Variants in MYO3B observed in about 807,000 individuals in gnomAD.
MYO3B encodes the protein myosin-IIIb.
MYO3B carries 156 observed loss-of-function variants against 174.6 expected under a neutral mutation model. The ratio of observed to expected loss-of-function variants is 0.89; its 90% CI spans 0.78 to 1.02. The LOEUF (loss-of-function observed/expected upper bound fraction) is 1.02, where lower values mean the gene tolerates loss of function less well. Among genes scored for constraint, MYO3B ranks in the 50% least tolerant of loss-of-function variants. The pLI, the probability that MYO3B is intolerant of heterozygous loss-of-function variation, is 0.00. For missense variants in MYO3B, 1,632 were observed against 1,639.4 expected (o/e 1.00, Z 0.08); for synonymous variants, 563 against 569.1 (o/e 0.99, Z 0.15).
At chr2:170,323,753 A>AAGTG (rs2093845654) in intron 7 of MYO3B, among the ~76,000 whole-genome samples, 1 of 152,192 alleles carries the variant, frequency 6.6e-6, no homozygotes, top group African/African-American at 2.4e-5. Flanking sequence ...AGTACTCAAG[A>AAGTG]AGTGAGTTAT....
intron 22 of MYO3B, among the ~76,000 whole-genome samples, chr2:170,423,735 C>A (rs1404504686): frequency 6.6e-6 from 1 of 152,162 alleles, no homozygotes; most frequent in African/African-American, 2.4e-5. Flanking sequence ...CGTGCACCAC[C>A]ACACCCAGCT....
At chr2:170,515,477 A>G (rs1688250006) in intron 29 of MYO3B, among the ~76,000 whole-genome samples, 1 of 152,176 alleles carries the variant, frequency 6.6e-6, no homozygotes, top group African/African-American at 2.4e-5. Context: ...AGGAAGGGGT[A>G]CTGTGGACAA....
chr2:170,195,332 G>A (rs952510136), intron 1 of MYO3B, among the ~76,000 whole-genome samples: 1 of 152,040 alleles, frequency 6.6e-6, no homozygotes, highest in Admixed American at 6.6e-5. Flanking sequence ...CACAGAAGAT[G>A]AGAAGAACAG....
intron 7 of MYO3B, among the ~76,000 whole-genome samples, chr2:170,282,100 G>C (rs952473221): frequency 2.0e-5 from 3 of 152,052 alleles, no homozygotes; most frequent in African/African-American, 7.2e-5. Flanking sequence ...CAGCTTTTTA[G>C]TTAATATCTT....
At chr2:170,517,847 A>G (rs950450469) in intron 29 of MYO3B, among the ~76,000 whole-genome samples, 2 of 151,898 alleles carry the variant, frequency 1.3e-5, no homozygotes, top group African/African-American at 4.8e-5. Flanking sequence ...TGCTCTAACT[A>G]GAGGATTTTA....
intron 8 of MYO3B, among the ~76,000 whole-genome samples, chr2:170,360,516 T>C (rs530705373): frequency 6.6e-6 from 1 of 152,272 alleles, no homozygotes; most frequent in African/African-American, 2.4e-5. Context: ...TTGTCCTCAG[T>C]GGTAGGAATC....
rs547065376 is a variant in MYO3B at position 170,622,385 on chromosome 2, T to C, written c.3734-29243T>C. Among the ~76,000 whole-genome samples the C allele has an allele frequency of 2.3e-4, 35 of 152,280 alleles. 3 individuals carry two copies. The highest frequency in any genetic ancestry group is 7.7e-4 in the African/African-American group (32 of 41,552). On this transcript the variant is annotated intron_variant, in intron 32 of 34. Transcript: ENST00000408978. The stretch of plus-strand genomic sequence containing the variant: ...TTTTCTGTCCTGAGAAGAGCAACTT[T>C]TAAATATCATATAAAGTGATACATG...
chr2:170,365,905 A>G (rs2094194680), intron 8 of MYO3B, among the ~76,000 whole-genome samples: 1 of 152,160 alleles, frequency 6.6e-6, no homozygotes, highest in Admixed American at 6.5e-5. Flanking sequence ...ACCCAGAGAT[A>G]AATTCCTTGT....
chr2:170,599,927 T>G (rs1264911141), intron 32 of MYO3B, among the ~76,000 whole-genome samples: 1 of 152,182 alleles, frequency 6.6e-6, no homozygotes, highest in Non-Finnish European at 1.5e-5. Context: ...CCTTAAAATG[T>G]TTATCTTTAT....
At chr2:170,465,916 C>G (rs1684596725) in intron 24 of MYO3B, among the ~76,000 whole-genome samples, 1 of 152,148 alleles carries the variant, frequency 6.6e-6, no homozygotes. Context: ...CAAGCACCCC[C>G]CTGATTTTCC....
intron 6 of MYO3B, among the ~76,000 whole-genome samples, chr2:170,220,006 C>G (rs947779809): frequency 2.6e-5 from 4 of 152,178 alleles, no homozygotes; most frequent in African/African-American, 9.7e-5. Flanking sequence ...TACCTGTAAT[C>G]CCAGCACTTT....
At chr2:170,320,931 T>C (rs2093821240) in intron 7 of MYO3B, among the ~76,000 whole-genome samples, 1 of 152,172 alleles carries the variant, frequency 6.6e-6, no homozygotes, top group African/African-American at 2.4e-5. Context: ...TTCAAAGTAC[T>C]GTATAACCAA....
intron 8 of MYO3B, among the ~76,000 whole-genome samples, chr2:170,343,998 C>G (rs1053571358): frequency 6.6e-6 from 1 of 152,234 alleles, no homozygotes; most frequent in Non-Finnish European, 1.5e-5. Flanking sequence ...CACATATGTA[C>G]TGCTGGTGTG....
intron 32 of MYO3B, chr2:170,601,633 C>A: frequency 1.5e-6 from 2 of 1,291,166 alleles, no homozygotes; most frequent in Non-Finnish European, 2.2e-6. Flanking sequence ...TCTTCTTCAT[C>A]TTCCTCCTCA....
At chr2:170,194,857 T>C (rs538734379) in intron 1 of MYO3B, among the ~76,000 whole-genome samples, 4 of 152,268 alleles carry the variant, frequency 2.6e-5, no homozygotes, top group East Asian at 1.9e-4. Flanking sequence ...GCCAAAGGCC[T>C]GAGAGTCCCT....
In MYO3B at chr2:170,430,374, CT is replaced by C. The variant is rs11368801; in HGVS notation, c.2651-13578del. On this transcript the variant is annotated intron_variant, in intron 22 of 34. Transcript: ENST00000408978. ...CATAAAAATTTTTTTTTCTGGATAG[CT>C]TTTTTTTTTTTTTTGAGACGGAGTC... 1.0e-3 allele frequency among the ~76,000 whole-genome samples: 137 copies of C among 136,678 alleles called. 1 individual carries two copies. The highest frequency in any genetic ancestry group is 5.3e-3 in the East Asian group (25 of 4,730). The allele number at this position is 136,678 out of a possible 152,430, so 89.7% of individuals were successfully genotyped here. A position where few individuals can be genotyped will look rare whatever the true frequency, so the allele number is the denominator to read the frequency against.
intron 23 of MYO3B, among the ~76,000 whole-genome samples, chr2:170,448,780 G>A (rs1683408239): frequency 7.8e-6 from 1 of 128,700 alleles, no homozygotes; most frequent in African/African-American, 2.8e-5. Context: ...CTAACAACAG[G>A]TGTGCGATAG....
chr2:170,521,776 A>G (rs1688682648), intron 30 of MYO3B, among the ~76,000 whole-genome samples: 3 of 152,110 alleles, frequency 2.0e-5, no homozygotes, highest in African/African-American at 7.2e-5. Flanking sequence ...TTTTACCACC[A>G]GACTTCCTCC....
At chr2:170,214,211 T>G (rs965872493) in intron 3 of MYO3B, among the ~76,000 whole-genome samples, 168 bp from the exon 4 acceptor site, 7 of 152,254 alleles carry the variant, frequency 4.6e-5, no homozygotes, top group Non-Finnish European at 8.8e-5. Flanking sequence ...AAGAATTAGA[T>G]TAGACTGGGT....
Sources: gnomAD v4.1 joint callset for allele counts (sites outside exome capture counted in the v4.1 genomes callset) on GRCh38, gnomAD v4.1.1 for gene constraint, MANE v1.5 for transcripts, NCBI Gene and HGNC (gene_info 2026-07-23, HGNC 2026-07-21) for gene names.